The following SMG1 variants were observed in gnomAD, a reference collection of about 807,000 sequenced individuals.
SMG1 encodes SMG1 nonsense mediated mRNA decay associated PI3K related kinase, also known as serine/threonine-protein kinase SMG1.
SMG1 carries 22 observed loss-of-function variants against 419.9 expected under a neutral mutation model. The observed-to-expected ratio is 0.05, with a 90% CI of 0.04 to 0.07. SMG1 has a LOEUF of 0.07. Among genes scored for constraint, SMG1 ranks in the 10% least tolerant of loss-of-function variants. The pLI is 1.00. For missense variants in SMG1, 3,185 were observed against 4,342.0 expected (o/e 0.73, Z 7.49); for synonymous variants, 1,538 against 1,553.5 (o/e 0.99, Z 0.23).
chr16:18,859,981 G>A (rs2035127483), intron 26 of SMG1, among the ~76,000 whole-genome samples: 1 of 152,214 alleles, frequency 6.6e-6, no homozygotes. Context: ...CACTTTGGGA[G>A]GCCAAGGTGG....
intron 42 of SMG1, 24 bp from the exon 43 acceptor site, chr16:18,838,713 GC>G: frequency 6.7e-7 from 1 of 1,497,112 alleles, no homozygotes; most frequent in Non-Finnish European, 9.1e-7. Context: ...AATGGGGGCA[GC>G]AAGTGAAACA....
At chr16:18,834,494 A>G in intron 49 of SMG1, 56 bp from the exon 50 acceptor site, 1 of 1,517,626 alleles carries the variant, frequency 6.6e-7, no homozygotes, top group Non-Finnish European at 9.0e-7. Context: ...AAAACAAGGT[A>G]ACTGGCCGGG....
At chr16:18,916,513 C>CAAAAAAAAAAAA (rs59985733) in intron 1 of SMG1, among the ~76,000 whole-genome samples, 16 of 68,946 alleles carry the variant, frequency 2.3e-4, no homozygotes, top group Non-Finnish European at 4.0e-4. Context: ...GACTCCATCT[C>CAAAAAAAAAAAA]AAAAAAAAAA....
At chr16:18,919,326 C>T (rs950560771) in intron 1 of SMG1, among the ~76,000 whole-genome samples, 3 of 146,190 alleles carry the variant, frequency 2.1e-5, no homozygotes, top group Non-Finnish European at 4.5e-5. Flanking sequence ...GACCCCATCT[C>T]TAAAAAAAAA....
chr16:18,868,673 A>T lies in SMG1; in HGVS notation c.2880T>A (p.Asp960Glu), dbSNP rs2141572846. The T allele has an allele frequency of 2.0e-6, 3 of 1,531,738 alleles. No homozygotes were observed. The highest frequency in any genetic ancestry group is 2.2e-5 in the East Asian group (1 of 44,482). 94.9% of individuals were successfully genotyped at this position (1,531,738 alleles called of 1,614,324 possible). A position where few individuals can be genotyped will look rare whatever the true frequency, so the allele number is the denominator to read the frequency against. Residue 960 changes from aspartate to glutamate, a missense_variant, in exon 21 of 63, where the codon GAT becomes GAA. Asp to Glu is a conservative substitution (Grantham distance 45, BLOSUM62 2). Around this residue, in one of 27 missense-constraint regions of SMG1, gnomAD observed 70 missense variants for 185.7 expected, o/e 0.38. Transcript: ENST00000446231. ...TGTCTGCAGTTGTCCACTGACTAAC[A>T]TCCTGATCAGGGTTTAATGTGTGAG... ...LAAHTLNPDQ[D>E]VSQWTTADND...
intron 9 of SMG1, among the ~76,000 whole-genome samples, chr16:18,882,584 G>A (rs1462827421): frequency 6.6e-6 from 1 of 152,138 alleles, no homozygotes; most frequent in Non-Finnish European, 1.5e-5. Flanking sequence ...AATCAACTCA[G>A]AAAGCTGTTA....
chr16:18,855,144 A>T (rs2034826590), intron 29 of SMG1, among the ~76,000 whole-genome samples: 1 of 152,196 alleles, frequency 6.6e-6, no homozygotes, highest in Admixed American at 6.5e-5. Flanking sequence ...ATTTCTTTTT[A>T]GTTTCTGAAT....
At chr16:18,918,594 A>T (rs1360367935) in intron 1 of SMG1, among the ~76,000 whole-genome samples, 1 of 151,982 alleles carries the variant, frequency 6.6e-6, no homozygotes, top group Non-Finnish European at 1.5e-5. Flanking sequence ...TGTCACCCAG[A>T]CTGGAGTGCA....
At chr16:18,827,384 C>T (rs2032766115) in intron 55 of SMG1, among the ~76,000 whole-genome samples, 1 of 150,272 alleles carries the variant, frequency 6.7e-6, no homozygotes, top group Non-Finnish European at 1.5e-5. Flanking sequence ...TGAGATAGTG[C>T]CACTGCACTC....
intron 60 of SMG1, 57 bp from the exon 61 acceptor site, chr16:18,812,184 G>C (rs1029609763): frequency 2.3e-5 from 36 of 1,543,968 alleles, no homozygotes; most frequent in Non-Finnish European, 3.2e-5. Context: ...GGAGGGGGCA[G>C]AGTGGAGCAA....
intron 1 of SMG1, among the ~76,000 whole-genome samples, chr16:18,898,056 G>T (rs71382578): frequency 0.095 from 14,427 of 152,228 alleles, 743 homozygotes; most frequent in Middle Eastern, 0.17. Context: ...GTGTAAAAGT[G>T]ACAGCAGTGT....
chr16:18,885,081 A>G lies in SMG1; in HGVS notation c.1021+9T>C, dbSNP rs1488738597. On this transcript the variant is annotated intron_variant, in intron 8 of 62. Coordinates refer to ENST00000446231, the MANE Select transcript of SMG1 (RefSeq NM_015092.5). ...TATTTAAATAACTGGTATAGGCTGC[A>G]AGACTTACCAGATACCTGCTGCGTG... 4.3e-6 allele frequency: 3 copies of G among 698,852 alleles called. No individual in the cohort carries two copies. The highest frequency in any genetic ancestry group is 7.4e-6 in the Non-Finnish European group (3 of 403,850). 43.3% of individuals were successfully genotyped at this position (698,852 alleles called of 1,614,324 possible). A position where few individuals can be genotyped will look rare whatever the true frequency, so the allele number is the denominator to read the frequency against.
chr16:18,884,216 CA>C (rs772979036), intron 8 of SMG1, 49 bp from the exon 9 acceptor site: 7 of 886,384 alleles, frequency 7.9e-6, no homozygotes, highest in South Asian at 6.4e-5. Flanking sequence ...AAAAAAACAC[CA>C]AAAAATCCAA....
chr16:18,853,764 A>C lies in SMG1; in HGVS notation c.4587T>G (p.Ala1529=). The C allele has an allele frequency of 6.2e-7, 1 of 1,613,940 alleles. No individual in the cohort carries two copies. The highest frequency in any genetic ancestry group is 8.5e-7 in the Non-Finnish European group (1 of 1,179,866). The change falls in exon 31 of 63, where the codon GCT becomes GCG. Residue 1529 remains alanine (A), a synonymous_variant. Coordinates refer to ENST00000446231, the MANE Select transcript of SMG1 (RefSeq NM_015092.5). ...YAVAKSILTL[A]KWIQAEWKEI... ...CTTTCCATTCTGCCTGGATCCATTT[A>C]GCCAGTGTCAGAATTGATTTAGCAA...
intron 19 of SMG1, among the ~76,000 whole-genome samples, 172 bp from the exon 20 acceptor site, chr16:18,869,475 T>A (rs1044782830): frequency 6.6e-6 from 1 of 152,232 alleles, no homozygotes; most frequent in Admixed American, 6.5e-5. Context: ...AGGTCTTTTA[T>A]AGTTAACAGG....
chr16:18,926,156 AAGG>A lies in SMG1; in HGVS notation c.-118_-116del, dbSNP rs367683864. 262,876 of 667,380 alleles carry A rather than the reference AAGG, an allele frequency of 0.39. 53,414 individuals carry two copies. The highest frequency in any genetic ancestry group is 0.46 in the Middle Eastern group (1,053 of 2,296). The allele number at this position is 667,380 out of a possible 1,614,324, so 41.3% of individuals were successfully genotyped here. Reference sequence around the variant, plus strand: ...GCCCGGGGCTGAGGAGGAAGCCGAGAAGGAGGAGGAGGAGGAGGAGGAGGAGAA... The same window carrying A: ...GCCCGGGGCTGAGGAGGAAGCCGAGAAGGAGGAGGAGGAGGAGGAGGAGAA... On this transcript the variant is annotated 5_prime_UTR_variant, in exon 1 of 63. Coordinates refer to ENST00000446231, the MANE Select transcript of SMG1 (RefSeq NM_015092.5).
intron 3 of SMG1, among the ~76,000 whole-genome samples, chr16:18,893,413 C>A (rs1043019342): frequency 7.2e-5 from 11 of 152,024 alleles, no homozygotes; most frequent in Admixed American, 3.3e-4. Flanking sequence ...TCACTTGAGC[C>A]CAGGAGTTCG....
At chr16:18,828,904 G>GCA (rs2032953448) in intron 54 of SMG1, among the ~76,000 whole-genome samples, 1 of 151,978 alleles carries the variant, frequency 6.6e-6, no homozygotes, top group Non-Finnish European at 1.5e-5. Context: ...AGGCTGAGGA[G>GCA]GGAGAATCGC....
chr16:18,901,412 T>C (rs989268311), intron 1 of SMG1, among the ~76,000 whole-genome samples: 1 of 152,108 alleles, frequency 6.6e-6, no homozygotes, highest in Non-Finnish European at 1.5e-5. Flanking sequence ...AGGTGTCTGA[T>C]TATGTTGCTC....
Sources: allele counts gnomAD v4.1 joint callset (sites outside exome capture counted in the v4.1 genomes callset), GRCh38; gene constraint gnomAD v4.1.1; regional missense constraint gnomAD v4.1.1; transcripts MANE v1.5; gene names NCBI Gene and HGNC (gene_info 2026-07-23, HGNC 2026-07-21).